SLC30A4: variants seen among roughly 807,000 people sequenced by gnomAD.
SLC30A4 encodes the protein probable proton-coupled zinc antiporter SLC30A4.
SLC30A4 carries 20 observed loss-of-function variants against 41.7 expected under a neutral mutation model. The ratio of observed to expected loss-of-function variants is 0.48; its 90% CI spans 0.34 to 0.70. SLC30A4 has a LOEUF of 0.70. Among genes scored for constraint, SLC30A4 ranks in the 30% least tolerant of loss-of-function variants. The pLI, the probability that SLC30A4 is intolerant of heterozygous loss-of-function variation, is 0.01. For synonymous variants in SLC30A4, 181 were observed against 195.9 expected (o/e 0.92, Z 0.64); for missense variants, 441 against 529.3 (o/e 0.83, Z 1.64).
rs1398281130 is a variant in SLC30A4, at chr15:45,482,061, A to C, written c.*3102T>G. 7.7e-6 allele frequency: 1 copy of C among 129,266 alleles called. No individual in the cohort carries two copies. Among genetic ancestry groups the C allele is most frequent in the Non-Finnish European group, 1.5e-5 (1 of 68,060 alleles). 8.0% of individuals were successfully genotyped at this position (129,266 alleles called of 1,614,324 possible). On this transcript the variant is annotated 3_prime_UTR_variant, in exon 8 of 8. Coordinates refer to ENST00000261867, the MANE Select transcript of SLC30A4 (RefSeq NM_013309.6). ...CATAGGGAGACCCCATCTCATTAAA[A>C]AAAAAAAAAAAAAAAAAAAAAAAAG...
At chr15:45,516,562 A>T (rs545006565) in intron 2 of SLC30A4, among the ~76,000 whole-genome samples, 15 of 151,942 alleles carry the variant, frequency 9.9e-5, no homozygotes, top group East Asian at 5.8e-4. Context: ...ATCTTTTTTT[A>T]AAAAAATCTC....
rs138295689 is a variant in SLC30A4, at chr15:45,511,241, A to C, written c.435T>G (p.Leu145=). The C allele has an allele frequency of 7.0e-5, 113 of 1,612,256 alleles. No individual in the cohort carries two copies. In the African/African-American group the frequency reaches 1.4e-3, roughly 20 times the overall value. ...TGGCGCTTAGGTCAGTTAACATATG[A>C]AGTGCATCTGTCATGATTGCTAGGC... ...ANSLAIMTDA[L]HMLTDLSAII... is the part of the protein sequence containing the mutation. Residue 145 remains leucine, a synonymous_variant, in exon 3 of 8, where the codon CTT becomes CTG. Transcript: ENST00000261867.
rs1395210867 is a variant in SLC30A4 at position 45,483,238 on chromosome 15, GATAAAATGTTTCCTATTCTTC to G, written c.*1904_*1924del. On this transcript the variant is annotated 3_prime_UTR_variant, in exon 8 of 8. Coordinates refer to ENST00000261867, the MANE Select transcript of SLC30A4 (RefSeq NM_013309.6). ...CTTATAGTAAGGTACTTGGTAAGAA[GATAAAATGTTTCCTATTCTTC>G]ATTTATATTGTAAGTCATCTGCATG... 9 of 152,160 alleles carry G rather than the reference GATAAAATGTTTCCTATTCTTC, an allele frequency of 5.9e-5. No homozygotes were observed. The highest frequency in any genetic ancestry group is 1.9e-4 in the African/African-American group (8 of 41,438). 9.4% of individuals were successfully genotyped at this position (152,160 alleles called of 1,614,324 possible).
At chr15:45,502,395 T>A (rs1041117256) in intron 3 of SLC30A4, 1 of 152,164 alleles carries the variant, frequency 6.6e-6, no homozygotes, top group East Asian at 1.9e-4. Flanking sequence ...TATATTTTTT[T>A]ATTTTTTTGA....
At chr15:45,511,316 A>G in intron 2 of SLC30A4, 32 bp from the exon 3 acceptor site, 1 of 1,483,418 alleles carries the variant, frequency 6.7e-7, no homozygotes, top group Non-Finnish European at 9.0e-7. Context: ...AAAAAGGAAC[A>G]AGTTAATTTT....
intron 2 of SLC30A4, chr15:45,512,533 T>C (rs1448624854): frequency 6.6e-6 from 1 of 152,142 alleles, no homozygotes; most frequent in African/African-American, 2.4e-5. Context: ...CTGATGATCT[T>C]TTAGTCACAT....
chr15:45,520,130 A>G (rs1230280340), intron 2 of SLC30A4, among the ~76,000 whole-genome samples: 1 of 152,218 alleles, frequency 6.6e-6, no homozygotes, highest in African/African-American at 2.4e-5. Context: ...TAAATAAATA[A>G]GATATCTCAG....
intron 3 of SLC30A4, among the ~76,000 whole-genome samples, chr15:45,504,678 G>A (rs1892111938): frequency 6.6e-6 from 1 of 152,144 alleles, no homozygotes; most frequent in South Asian, 2.1e-4. Context: ...TGCTTTTGAA[G>A]TGCCAGGCAT....
chr15:45,500,800 A>G (rs927570104), intron 3 of SLC30A4, among the ~76,000 whole-genome samples: 4 of 151,844 alleles, frequency 2.6e-5, no homozygotes, highest in Non-Finnish European at 4.4e-5. Flanking sequence ...TTCCTGCCTC[A>G]GCCTCCCAAG....
chr15:45,517,345 CTTTTTTT>C (rs1166130286), intron 2 of SLC30A4, among the ~76,000 whole-genome samples: 1,392 of 65,642 alleles, frequency 0.021, 28 homozygotes, highest in African/African-American at 0.082. Flanking sequence ...CCAATCCATT[CTTTTTTT>C]TTTTTTTTTT....
Position 45,507,587 on chromosome 15 carries a change from A to G in SLC30A4, c.538+3551T>C, listed in dbSNP as rs144505753. ...ACTGCAACCTCCACCTCCCAAGTTC[A>G]AGTGATTCTCATGTCTCAGCCTCCC... On this transcript the variant is annotated intron_variant, in intron 3 of 7. Transcript: ENST00000261867. Among the ~76,000 whole-genome samples, 60 of 150,588 alleles carry G rather than the reference A, an allele frequency of 4.0e-4. 3 individuals are homozygous for G. The East Asian group carries it at 0.012, about 30-fold the overall frequency.
rs184717116 is a variant in SLC30A4, at chr15:45,517,581, G to C, written c.391+4383C>G. On this transcript the variant is annotated intron_variant, in intron 2 of 7. Transcript: ENST00000261867. ...TTGGTCAGGCTGGTCTCGAACTCCC[G>C]ATCCATTCTTCACATAACAGCAGAG... Among the ~76,000 whole-genome samples, 138 of 151,806 alleles carry C rather than the reference G, an allele frequency of 9.1e-4. 1 individual carries two copies. The highest frequency in any genetic ancestry group is 7.4e-3 in the Admixed American group (112 of 15,238).
At chr15:45,496,834 AATATAAAT>A (rs1403489168) in intron 3 of SLC30A4, among the ~76,000 whole-genome samples, 1 of 112,688 alleles carries the variant, frequency 8.9e-6, no homozygotes, top group African/African-American at 3.4e-5. Flanking sequence ...CATCTCTGAA[AATATAAAT>A]AAATAAATAA....
Position 45,490,834 on chromosome 15 carries a change from C to A in SLC30A4, c.586G>T (p.Gly196Ter). The A allele has an allele frequency of 6.2e-7, 1 of 1,608,516 alleles. No homozygotes were observed. Among genetic ancestry groups the A allele is most frequent in the South Asian group, 1.1e-5 (1 of 90,220 alleles). The stretch of plus-strand genomic sequence containing the variant: ...TGCACAGCTTCATATAAGAGGAATC[C>A]CATAAGTATATACACCAACAGCACA... ...ISVLLVYILM[G>*]FLLYEAVQRT... The change falls in exon 4 of 8, where the codon GGA becomes TGA. Residue 196 changes from glycine to a stop codon, truncating the protein, a stop_gained. Transcript: ENST00000261867. LOFTEE classifies it high-confidence loss of function.
At chr15:45,504,413 C>A (rs2140834283) in intron 3 of SLC30A4, among the ~76,000 whole-genome samples, 1 of 152,282 alleles carries the variant, frequency 6.6e-6, no homozygotes, top group Middle Eastern at 3.4e-3. Context: ...GACAAGAACT[C>A]CTCCTGCTTT....
intron 3 of SLC30A4, among the ~76,000 whole-genome samples, chr15:45,510,775 G>A (rs1457825155): frequency 2.0e-5 from 3 of 152,198 alleles, no homozygotes; most frequent in African/African-American, 7.2e-5. Flanking sequence ...CTAAGCTATG[G>A]TAGCTTTGGC....
chr15:45,491,170 T>G (rs1891802945), intron 3 of SLC30A4, among the ~76,000 whole-genome samples: 1 of 152,018 alleles, frequency 6.6e-6, no homozygotes, highest in Admixed American at 6.6e-5. Flanking sequence ...TATAGGCACA[T>G]GCCACCACAC....
At chr15:45,486,009 G>A (rs1595520840) in intron 7 of SLC30A4, among the ~76,000 whole-genome samples, 1 of 149,606 alleles carries the variant, frequency 6.7e-6, no homozygotes, top group Admixed American at 6.7e-5. Context: ...GTGAGTCAAC[G>A]CGCCAGGCCG....
intron 3 of SLC30A4, among the ~76,000 whole-genome samples, chr15:45,493,547 G>T (rs1317447291): frequency 1.3e-5 from 2 of 152,036 alleles, no homozygotes; most frequent in Non-Finnish European, 2.9e-5. Flanking sequence ...TATAAAAACC[G>T]CTGGGCATGG....
Sources: gnomAD v4.1 joint callset for allele counts (sites outside exome capture counted in the v4.1 genomes callset) on GRCh38, gnomAD v4.1.1 for gene constraint, MANE v1.5 for transcripts, NCBI Gene and HGNC (gene_info 2026-07-23, HGNC 2026-07-21) for gene names.